LIG1: variants seen among roughly 807,000 people sequenced by gnomAD.
The protein encoded by LIG1 is DNA ligase 1.
LIG1 carries 70 observed loss-of-function variants against 115.7 expected under a neutral mutation model. The observed-to-expected ratio is 0.60, with a 90% confidence interval of 0.50 to 0.74. The LOEUF (loss-of-function observed/expected upper bound fraction) is 0.74, where lower values mean the gene tolerates loss of function less well. Among genes scored for constraint, LIG1 ranks in the 30% least tolerant of loss-of-function variants. The pLI is 0.00. For missense variants in LIG1, 1,115 were observed against 1,225.6 expected (o/e 0.91, Z 1.35); for synonymous variants, 487 against 495.3 (o/e 0.98, Z 0.22).
chr19:48,165,091 T>C (rs1390076247), intron 2 of LIG1, among the ~76,000 whole-genome samples: 1 of 152,164 alleles, frequency 6.6e-6, no homozygotes. Flanking sequence ...AAACCCCGTC[T>C]CTACTAAAAA....
intron 9 of LIG1, 101 bp downstream of exon 9, chr19:48,149,662 G>T: frequency 1.1e-6 from 1 of 909,196 alleles, no homozygotes; most frequent in Non-Finnish European, 1.8e-6. Flanking sequence ...GGTTTGCCAA[G>T]TCCTGCAAGA....
At chr19:48,168,696 T>A (rs1012691989) in intron 1 of LIG1, among the ~76,000 whole-genome samples, 1 of 152,196 alleles carries the variant, frequency 6.6e-6, no homozygotes, top group Non-Finnish European at 1.5e-5. Flanking sequence ...TAGAATATTG[T>A]TCAGGGTTAA....
chr19:48,149,749 G>A lies in LIG1; in HGVS notation c.776+14C>T, dbSNP rs761313510. 7 of 1,608,432 alleles carry A rather than the reference G, an allele frequency of 4.4e-6. No individual in the cohort carries two copies. In the African/African-American group the frequency reaches 5.3e-5, roughly 12 times the overall value. ...CATCCCGAAGAACCTTTCCAGACCT[G>A]GACACTGACTCACCCCTCAGCAGCT... On this transcript the variant is annotated intron_variant, in intron 9 of 27. Transcript: ENST00000263274.
chr19:48,126,433 C>T (rs1358735985), intron 21 of LIG1, among the ~76,000 whole-genome samples: 2 of 152,046 alleles, frequency 1.3e-5, no homozygotes, highest in African/African-American at 4.8e-5. Context: ...TGGTGAAACC[C>T]CGTCTCTACT....
At chr19:48,162,629 A>T (rs3730853) in intron 2 of LIG1, among the ~76,000 whole-genome samples, 7,744 of 151,888 alleles carry the variant, frequency 0.051, 461 homozygotes, top group African/African-American at 0.14. Context: ...GAGATGGGGT[A>T]TCACCGTGTT....
Position 48,137,010 on chromosome 19 carries a change from A to G in LIG1, c.1329T>C (p.Ala443=), listed in dbSNP as rs2122624974. The part of the protein sequence containing the change: ...ACRHSEARFI[A]RSLSGRLRLG... Reference sequence around the variant, plus strand: ...GCCTCACAGGCCCACACGCTTACCTAGCGATGAACCGGGCTTCTGAGTGGC... The same window carrying G: ...GCCTCACAGGCCCACACGCTTACCTGGCGATGAACCGGGCTTCTGAGTGGC... The change falls in exon 14 of 28, where the codon GCT becomes GCC. Residue 443 remains alanine, a splice_region_variant and synonymous_variant. Transcript: ENST00000263274. This position sits in a 1 kb window ranked among gnomAD's most constrained non-coding sequence, Gnocchi z 4.3. 1 of 1,611,594 alleles carries G rather than the reference A, an allele frequency of 6.2e-7. No individual in the cohort carries two copies. Among genetic ancestry groups the G allele is most frequent in the Non-Finnish European group, 8.5e-7 (1 of 1,178,896 alleles).
intron 11 of LIG1, among the ~76,000 whole-genome samples, chr19:48,141,204 A>ATCTCGGC (rs2034725427): frequency 6.6e-6 from 1 of 152,136 alleles, no homozygotes; most frequent in South Asian, 2.1e-4. Context: ...CAGTGGCACG[A>ATCTCGGC]TCTCGGCTCG....
In LIG1 at chr19:48,143,580, C is replaced by A. The variant is rs528238142; in HGVS notation, c.877G>T (p.Ala293Ser). ...PGQKVPYLAV[A>S]RTFEKIEEVS... ...TCCTCGATCTTCTCAAACGTCCGGG[C>A]CACAGCCAGGTAAGGAACCCTAGGG... The change falls in exon 11 of 28, where the codon GCC (alanine) becomes TCC (serine). Residue 293 changes from alanine to serine, a missense_variant. Transcript: ENST00000263274. The A allele has an allele frequency of 8.1e-6, 13 of 1,608,856 alleles. No homozygotes were observed. In the East Asian group the frequency reaches 2.9e-4, roughly 36 times the overall value.
intron 2 of LIG1, among the ~76,000 whole-genome samples, chr19:48,162,823 G>C (rs2123039908): frequency 6.6e-6 from 1 of 152,232 alleles, no homozygotes; most frequent in East Asian, 1.9e-4. Flanking sequence ...CTCAGACTCA[G>C]ACAAAGGAGG....
chr19:48,158,350 C>T (rs12975748), intron 4 of LIG1, among the ~76,000 whole-genome samples: 45,967 of 147,860 alleles, frequency 0.31, 8,158 homozygotes, highest in East Asian at 0.56. Context: ...AGAGAGCAAA[C>T]GACAGCACAG....
intron 4 of LIG1, 119 bp downstream of exon 4, chr19:48,161,253 C>T: frequency 2.8e-6 from 4 of 1,441,666 alleles, no homozygotes; most frequent in Non-Finnish European, 3.9e-6. Context: ...CCAGGAAACA[C>T]ATCTACCTCT....
chr19:48,161,539 GC>G (rs750659510), intron 3 of LIG1, 32 bp from the exon 4 acceptor site: 556 of 1,612,726 alleles, frequency 3.4e-4, no homozygotes, highest in Admixed American at 5.3e-4. Context: ...GTGTAAAGGG[GC>G]GACTACAGCA....
chr19:48,168,745 T>TG (rs982203479), intron 1 of LIG1, among the ~76,000 whole-genome samples: 2 of 152,284 alleles, frequency 1.3e-5, no homozygotes, highest in African/African-American at 4.8e-5. Flanking sequence ...AGGAGTTTTT[T>TG]GGGGGGATGA....
At chr19:48,120,171 C>G (rs1487270162) in intron 24 of LIG1, 13 of 985,344 alleles carry the variant, frequency 1.3e-5, no homozygotes, top group Non-Finnish European at 1.6e-5. Flanking sequence ...CATTACCCAT[C>G]AGAACAAAGC....
chr19:48,117,995 A>G, intron 25 of LIG1: 1 of 603,728 alleles, frequency 1.7e-6, no homozygotes, highest in East Asian at 2.8e-5. Context: ...AGGGAAAAGA[A>G]ACAAGACCCC....
Position 48,151,243 on chromosome 19 carries a change from A to C in LIG1, c.563T>G (p.Leu188Arg), listed in dbSNP as rs1337629627. ...GACCAGAAACTCACTGGAGGTCTTT[A>C]GGGGCTTGGGAGGCGTGGTGGGCTG... Reference protein sequence around the residue: ...GDQPTTPPKPLKTSKAETPTE... With the variant: ...GDQPTTPPKPRKTSKAETPTE... Residue 188 changes from leucine to arginine, a missense_variant, in exon 7 of 28, where the codon CTA becomes CGA. Transcript: ENST00000263274. 1 of 1,612,206 alleles carries C rather than the reference A, an allele frequency of 6.2e-7. No homozygotes were observed. Among genetic ancestry groups the C allele is most frequent in the Non-Finnish European group, 8.5e-7 (1 of 1,178,408 alleles).
intron 20 of LIG1, 24 bp from the exon 21 acceptor site, chr19:48,127,372 C>G: frequency 6.2e-7 from 1 of 1,607,326 alleles, no homozygotes; most frequent in South Asian, 1.1e-5. Flanking sequence ...CAACGGAGTT[C>G]GTGAGTGCAG....
At chr19:48,138,317 A>G (rs411073) in intron 12 of LIG1, among the ~76,000 whole-genome samples, 97,364 of 152,084 alleles carry the variant, frequency 0.64, 32,701 homozygotes, top group East Asian at 0.87. Context: ...GGTCTGAAAT[A>G]AAATGTGGAG....
At chr19:48,164,117 G>A (rs5025733) in intron 2 of LIG1, among the ~76,000 whole-genome samples, 45,900 of 151,540 alleles carry the variant, frequency 0.3, 8,114 homozygotes, top group East Asian at 0.55. Flanking sequence ...ACTGGCCAAG[G>A]GTATACAGGA....
Sources: allele counts gnomAD v4.1 joint callset (sites outside exome capture counted in the v4.1 genomes callset), GRCh38; gene constraint gnomAD v4.1.1; non-coding constraint Gnocchi (gnomAD v3.1); transcripts MANE v1.5; gene names NCBI Gene and HGNC (gene_info 2026-07-23, HGNC 2026-07-21).